The following RBM19 variants were observed in gnomAD, a reference collection of about 807,000 sequenced individuals.
RBM19 encodes the protein RNA binding motif protein 19, also known as probable RNA-binding protein 19.
In RBM19, 94 loss-of-function variants were observed where a neutral mutation model predicts 116.8. The observed-to-expected ratio is 0.80, with a 90% CI of 0.68 to 0.95. RBM19 has a LOEUF of 0.95. Ranked by LOEUF, RBM19 falls within the 40% of genes least tolerant of loss-of-function variation. RBM19 has a pLI of 0.00. For missense variants in RBM19, 1,161 were observed against 1,220.7 expected, an observed-to-expected ratio of 0.95 and a Z score of 0.73; for synonymous variants, 475 against 494.1, an observed-to-expected ratio of 0.96 and a Z score of 0.51.
At position 113,898,404 on chromosome 12, in the gene RBM19, G is replaced by A. The variant is rs1408621551; in HGVS notation, c.2558+16565C>T. On this transcript the variant is annotated intron_variant, in intron 21 of 23. Coordinates refer to ENST00000261741, the MANE Select transcript of RBM19 (RefSeq NM_016196.4). The surrounding 1 kb of genome is among the most constrained non-coding windows in gnomAD (Gnocchi z 4.3). ...AGACATGATGCCTTTGGACACTAGA[G>A]TGTTCAGATCATGTCTCTGCACCTA... Among the ~76,000 whole-genome samples, 1 of 152,158 alleles carries A rather than the reference G, an allele frequency of 6.6e-6. No individual in the cohort carries two copies. The highest frequency in any genetic ancestry group is 1.5e-5 in the Non-Finnish European group (1 of 68,036).
chr12:113,868,465 C>T (rs1430732959), intron 21 of RBM19, among the ~76,000 whole-genome samples: 1 of 152,180 alleles, frequency 6.6e-6, no homozygotes, highest in Non-Finnish European at 1.5e-5. Context: ...GATAGATATT[C>T]TATGTTTAAA....
downstream of RBM19, among the ~76,000 whole-genome samples, chr12:113,818,864 C>G (rs1874237241): frequency 6.6e-6 from 1 of 152,210 alleles, no homozygotes; most frequent in African/African-American, 2.4e-5. Context: ...TCTCCAGGAC[C>G]TGTCTGACCA....
rs146967014 is a variant in RBM19 at position 113,926,194 on chromosome 12, C to T, written c.2244+860G>A. ...AATGTTTGCCTCCATATCTTCTGCC[C>T]ACCATATTCCTACCCCTGAGGTTCA... On this transcript the variant is annotated intron_variant, in intron 17 of 23. Coordinates refer to ENST00000261741, the MANE Select transcript of RBM19 (RefSeq NM_016196.4). Among the ~76,000 whole-genome samples the T allele has an allele frequency of 7.1e-4, 108 of 152,262 alleles. 3 individuals carry two copies. The East Asian group carries it at 0.011, about 15-fold the overall frequency.
chr12:113,957,629 C>T lies in RBM19; in HGVS notation c.840+153G>A, dbSNP rs79815761. Among the ~76,000 whole-genome samples, 476 of 152,206 alleles carry T rather than the reference C, an allele frequency of 3.1e-3. 15 individuals are homozygous for T. The East Asian group carries it at 0.061, about 20-fold the overall frequency. On this transcript the variant is annotated intron_variant, in intron 6 of 23. Coordinates refer to ENST00000261741, the MANE Select transcript of RBM19 (RefSeq NM_016196.4). ...AAAGAAACGCAGAAAGAACACACGG[C>T]GAGCAAGCGGCAGGGCCAAGATCGG...
At chr12:113,948,503 G>A (rs1178934523) in intron 10 of RBM19, among the ~76,000 whole-genome samples, 3 of 152,178 alleles carry the variant, frequency 2.0e-5, no homozygotes, top group African/African-American at 4.8e-5. Flanking sequence ...AATACCGAGT[G>A]GCATGACTTT....
intron 19 of RBM19, among the ~76,000 whole-genome samples, chr12:113,919,234 A>G (rs1349434301): frequency 3.3e-5 from 5 of 152,228 alleles, no homozygotes. Flanking sequence ...CCTAGGCACC[A>G]TGCATCAGGA....
chr12:113,946,238 G>T, intron 12 of RBM19, 116 bp downstream of exon 12: 5 of 1,391,900 alleles, frequency 3.6e-6, no homozygotes, highest in Non-Finnish European at 5.0e-6. Flanking sequence ...CTGAAGCTCG[G>T]TAAGGTATGA....
intron 5 of RBM19, among the ~76,000 whole-genome samples, chr12:113,958,747 C>A (rs1317680067): frequency 1.3e-5 from 2 of 152,192 alleles, no homozygotes; most frequent in Admixed American, 6.5e-5. Flanking sequence ...AGGCCTCCCC[C>A]ACACCACAAA....
At chr12:113,875,129 A>G (rs1879568378) in intron 21 of RBM19, among the ~76,000 whole-genome samples, 1 of 152,266 alleles carries the variant, frequency 6.6e-6, no homozygotes, top group Non-Finnish European at 1.5e-5. Flanking sequence ...GAGGCCTCCC[A>G]GGGACATGTC....
rs529801001 is a variant in RBM19 at position 113,922,173 on chromosome 12, C to T, written c.2306-1483G>A. Reference sequence around the variant, plus strand: ...TTTTCCTTTAATGCCCCTCCAGGCACGGCAGGCGGAAAGGCATTCTTCCTG... The same window carrying T: ...TTTTCCTTTAATGCCCCTCCAGGCATGGCAGGCGGAAAGGCATTCTTCCTG... On this transcript the variant is annotated intron_variant, in intron 18 of 23. Coordinates refer to ENST00000261741, the MANE Select transcript of RBM19 (RefSeq NM_016196.4). 5.9e-5 allele frequency among the ~76,000 whole-genome samples: 9 copies of T among 152,288 alleles called. No individual in the cohort carries two copies. In the South Asian group the frequency reaches 1.2e-3, roughly 21 times the overall value.
chr12:113,912,930 G>C (rs1251263022), intron 21 of RBM19, among the ~76,000 whole-genome samples: 1 of 152,114 alleles, frequency 6.6e-6, no homozygotes, highest in East Asian at 1.9e-4. Flanking sequence ...ATCCCCAGCC[G>C]GAGTGAACAA....
chr12:113,959,048 G>C (rs919033655), intron 5 of RBM19, among the ~76,000 whole-genome samples, 164 bp downstream of exon 5: 1 of 152,210 alleles, frequency 6.6e-6, no homozygotes, highest in Non-Finnish European at 1.5e-5. Flanking sequence ...ACACAACTAG[G>C]ATCAGTGAAG....
intron 20 of RBM19, 39 bp downstream of exon 20, chr12:113,918,353 C>T: frequency 1.2e-6 from 2 of 1,611,230 alleles, no homozygotes; most frequent in Non-Finnish European, 1.7e-6. Flanking sequence ...CAGGAAGCCC[C>T]AGCTCGTAGG....
chr12:113,962,230 A>C lies in RBM19; in HGVS notation c.219+2T>G, dbSNP rs763156888. The C allele has an allele frequency of 6.2e-7, 1 of 1,614,084 alleles. No individual in the cohort carries two copies. The highest frequency in any genetic ancestry group is 1.1e-5 in the South Asian group (1 of 91,084). ...GTAAGGGTGAGACTCCTGCCCACTCACTGTGATCCGGGATGTGTCGATGAA... is the reference window on the plus strand; with the variant it reads ...GTAAGGGTGAGACTCCTGCCCACTCCCTGTGATCCGGGATGTGTCGATGAA... On this transcript the variant is annotated splice_donor_variant, in intron 2 of 23. Transcript: ENST00000261741. LOFTEE classifies it high-confidence loss of function.
At chr12:113,947,896 C>A (rs777883139) in intron 10 of RBM19, among the ~76,000 whole-genome samples, 4 of 152,210 alleles carry the variant, frequency 2.6e-5, no homozygotes, top group Non-Finnish European at 5.9e-5. Flanking sequence ...CGCGTCCCCT[C>A]TCTGGGTCTT....
rs1456395639 is a variant in RBM19 at position 113,822,480 on chromosome 12, AT to A, written c.*743del. 1 of 152,206 alleles carries A rather than the reference AT, an allele frequency of 6.6e-6. No homozygotes were observed. Among genetic ancestry groups the A allele is most frequent in the Non-Finnish European group, 1.5e-5 (1 of 68,062 alleles). 9.4% of individuals were successfully genotyped at this position (152,206 alleles called of 1,614,324 possible). A position where few individuals can be genotyped will look rare whatever the true frequency, so the allele number is the denominator to read the frequency against. On this transcript the variant is annotated 3_prime_UTR_variant, in exon 24 of 24. Transcript: ENST00000261741. The stretch of plus-strand genomic sequence containing the variant: ...ATTCAGCTCAGCCAGGGAGCTTGGC[AT>A]CTGGGCTTGGAGCTCGATGCTTCAT...
chr12:113,952,225 A>G (rs1023742769), intron 8 of RBM19, among the ~76,000 whole-genome samples: 2 of 152,186 alleles, frequency 1.3e-5, no homozygotes, highest in African/African-American at 4.8e-5. Flanking sequence ...ACCTGTTGGC[A>G]TTTGTTTCAG....
Position 113,942,333 on chromosome 12 carries a change from G to A in RBM19, c.1728C>T (p.Ser576=), listed in dbSNP as rs773546444. The A allele has an allele frequency of 2.5e-6, 4 of 1,605,580 alleles. No individual in the cohort carries two copies. Among genetic ancestry groups the A allele is most frequent in the East Asian group, 4.5e-5 (2 of 44,870 alleles). ...CACCGAGAACACCCACCTGGCTGAA[G>A]GAATCCAGGCTGACCCCGTTGTCTA... ...FLIDNGVSLD[S]FSQAAAERSK... The change falls in exon 14 of 24, where the codon TCC becomes TCT. Residue 576 remains serine (S), a synonymous_variant. Coordinates refer to ENST00000261741, the MANE Select transcript of RBM19 (RefSeq NM_016196.4).
intron 22 of RBM19, among the ~76,000 whole-genome samples, chr12:113,848,612 A>AGACTGTGAGGAGCTTGGAAG (rs1877183936): frequency 6.6e-6 from 1 of 152,126 alleles, no homozygotes; most frequent in Non-Finnish European, 1.5e-5. Flanking sequence ...GGCACAGAAA[A>AGACTGTGAGGAGCTTGGAAG]GACTGTGAGG....
Sources: allele counts gnomAD v4.1 joint callset (sites outside exome capture counted in the v4.1 genomes callset), GRCh38; gene constraint gnomAD v4.1.1; non-coding constraint Gnocchi (gnomAD v3.1); transcripts MANE v1.5; gene names NCBI Gene and HGNC (gene_info 2026-07-23, HGNC 2026-07-21).